OPCML: variants seen among roughly 807,000 people sequenced by gnomAD.
The protein encoded by OPCML is opioid-binding protein/cell adhesion molecule.
A neutral mutation model predicts 37.8 loss-of-function variants in OPCML; 13 were observed. That is an observed-to-expected ratio of 0.34 (90% CI 0.22 to 0.55). OPCML has a LOEUF of 0.55. Ranked by LOEUF, OPCML falls within the 20% of genes least tolerant of loss-of-function variation. OPCML has a pLI of 0.91. For missense variants in OPCML, 341 were observed against 435.6 expected, an observed-to-expected ratio of 0.78 and a Z score of 1.93; for synonymous variants, 176 against 168.8, an observed-to-expected ratio of 1.04 and a Z score of -0.33.
At chr11:132,569,631 T>G (rs1024307923) in intron 3 of OPCML, among the ~76,000 whole-genome samples, 2 of 152,052 alleles carry the variant, frequency 1.3e-5, no homozygotes, top group African/African-American at 4.8e-5. Flanking sequence ...ACAAGAGAAG[T>G]AAAATATAAA....
intron 1 of OPCML, among the ~76,000 whole-genome samples, chr11:133,258,112 C>A (rs1207360282): frequency 1.3e-5 from 2 of 152,118 alleles, no homozygotes; most frequent in Non-Finnish European, 2.9e-5. Context: ...GTGACATGTC[C>A]TGGACCTTCT....
intron 7 of OPCML, among the ~76,000 whole-genome samples, chr11:132,428,631 G>A (rs894475895): frequency 6.6e-6 from 1 of 152,140 alleles, no homozygotes; most frequent in South Asian, 2.1e-4. Flanking sequence ...CACAGTATAT[G>A]GGTTTGAAAG....
intron 2 of OPCML, among the ~76,000 whole-genome samples, chr11:132,812,366 T>C (rs1467512472): frequency 1.3e-5 from 2 of 152,026 alleles, no homozygotes; most frequent in Non-Finnish European, 2.9e-5. Flanking sequence ...TCTTTTGCGA[T>C]AAATGCTCCT....
chr11:132,597,648 G>C (rs1262343588), intron 3 of OPCML, among the ~76,000 whole-genome samples: 1 of 152,198 alleles, frequency 6.6e-6, no homozygotes, highest in Non-Finnish European at 1.5e-5. Context: ...GAACACATGA[G>C]TGACAATTGT....
At chr11:132,485,886 A>C (rs2096198289) in intron 4 of OPCML, among the ~76,000 whole-genome samples, 1 of 152,170 alleles carries the variant, frequency 6.6e-6, no homozygotes, top group South Asian at 2.1e-4. Flanking sequence ...AGATCCACTC[A>C]TTTCTCTTAA....
chr11:132,864,968 C>G (rs1223230153), intron 2 of OPCML, among the ~76,000 whole-genome samples: 1 of 152,240 alleles, frequency 6.6e-6, no homozygotes, highest in Non-Finnish European at 1.5e-5. Flanking sequence ...GGAGAGCGGA[C>G]AGCGAGCCCC....
chr11:132,578,998 T>G (rs2137617336), intron 3 of OPCML, among the ~76,000 whole-genome samples: 1 of 152,196 alleles, frequency 6.6e-6, no homozygotes, highest in African/African-American at 2.4e-5. Context: ...AAAGCAAAAT[T>G]TTAAGAAATA....
chr11:132,517,615 CT>C (rs2096283001), intron 4 of OPCML, among the ~76,000 whole-genome samples: 1 of 152,190 alleles, frequency 6.6e-6, no homozygotes, highest in Non-Finnish European at 1.5e-5. Context: ...TAAAGTCGGT[CT>C]CAATTTTATC....
intron 7 of OPCML, 126 bp downstream of exon 7, chr11:132,435,960 T>C (rs2096011598): frequency 1.2e-6 from 1 of 827,392 alleles, no homozygotes; most frequent in South Asian, 1.9e-5. Flanking sequence ...GTATGTCTTA[T>C]CTACAGGTGG....
At chr11:132,583,681 A>G (rs1035444422) in intron 3 of OPCML, among the ~76,000 whole-genome samples, 10 of 151,980 alleles carry the variant, frequency 6.6e-5, no homozygotes, top group Non-Finnish European at 1.0e-4. Flanking sequence ...TAATGGCGCA[A>G]ACTCAGCTCA....
At chr11:133,219,077 G>T (rs980824055) in intron 1 of OPCML, among the ~76,000 whole-genome samples, 13 of 152,168 alleles carry the variant, frequency 8.5e-5, no homozygotes, top group African/African-American at 3.1e-4. Context: ...CTGACCAGCT[G>T]CCTTGACCAT....
chr11:132,891,428 G>T (rs1943645246), intron 2 of OPCML, among the ~76,000 whole-genome samples: 1 of 152,014 alleles, frequency 6.6e-6, no homozygotes, highest in African/African-American at 2.4e-5. Context: ...ATTTAAAACT[G>T]AGTTTGTTTA....
Position 132,687,408 on chromosome 11 carries a change from AT to A in OPCML, c.147-30090del, listed in dbSNP as rs1943210327. Among the ~76,000 whole-genome samples, 52 of 93,874 alleles carry A rather than the reference AT, an allele frequency of 5.5e-4. 2 individuals are homozygous for A. The highest frequency in any genetic ancestry group is 3.1e-3 in the African/African-American group (50 of 16,108). 61.6% of individuals were successfully genotyped at this position (93,874 alleles called of 152,430 possible). On this transcript the variant is annotated intron_variant, in intron 2 of 7. Coordinates refer to ENST00000524381, the MANE Select transcript of OPCML (RefSeq NM_001012393.5). ...TATATATATATATATATATATATATATATATATATATATATATATATTTAAT... is the reference window on the plus strand; with the variant it reads ...TATATATATATATATATATATATATAATATATATATATATATATATTTAAT...
chr11:132,905,341 C>T (rs1366192514), intron 2 of OPCML, among the ~76,000 whole-genome samples: 1 of 147,488 alleles, frequency 6.8e-6, no homozygotes, highest in East Asian at 2.0e-4. Context: ...AAGCAATTCT[C>T]ATGCCTCAGC....
At chr11:133,474,303 T>C (rs997866364) in intron 1 of OPCML, among the ~76,000 whole-genome samples, 3 of 152,214 alleles carry the variant, frequency 2.0e-5, no homozygotes, top group African/African-American at 7.2e-5. Flanking sequence ...GATGGACTCT[T>C]TGTAACACAC....
chr11:132,646,866 G>T lies in OPCML; in HGVS notation c.379+10221C>A, dbSNP rs537237585. On this transcript the variant is annotated intron_variant, in intron 3 of 7. Coordinates refer to ENST00000524381, the MANE Select transcript of OPCML (RefSeq NM_001012393.5). Reference sequence around the variant, plus strand: ...AACATTGGAGAATGGAATTAGGAAAGAACTAAAAACTGGAAATTTAGATTT... The same window carrying T: ...AACATTGGAGAATGGAATTAGGAAATAACTAAAAACTGGAAATTTAGATTT... Among the ~76,000 whole-genome samples, 185 of 152,220 alleles carry T rather than the reference G, an allele frequency of 1.2e-3. 1 individual carries two copies. The highest frequency in any genetic ancestry group is 4.1e-3 in the African/African-American group (172 of 41,546).
intron 2 of OPCML, among the ~76,000 whole-genome samples, chr11:132,712,932 A>C (rs1944325994): frequency 6.6e-6 from 1 of 152,242 alleles, no homozygotes; most frequent in Non-Finnish European, 1.5e-5. Context: ...TCACTGGAGC[A>C]GGCGATGCTC....
chr11:133,016,009 A>G (rs111333152), intron 1 of OPCML, among the ~76,000 whole-genome samples: 10 of 152,236 alleles, frequency 6.6e-5, no homozygotes, highest in African/African-American at 2.4e-4. Context: ...CCTTTAACAA[A>G]TACTTACATA....
intron 2 of OPCML, among the ~76,000 whole-genome samples, chr11:132,743,619 C>T (rs1171265503): frequency 6.6e-6 from 1 of 152,192 alleles, no homozygotes; most frequent in Non-Finnish European, 1.5e-5. Flanking sequence ...TACTTCTCTT[C>T]CTGGAATCCA....
Sources: allele counts gnomAD v4.1 joint callset (sites outside exome capture counted in the v4.1 genomes callset), GRCh38; gene constraint gnomAD v4.1.1; transcripts MANE v1.5; gene names NCBI Gene and HGNC (gene_info 2026-07-23, HGNC 2026-07-21).